Variants in PDE9A observed in about 807,000 individuals in gnomAD.
PDE9A encodes phosphodiesterase 9A.
A neutral mutation model predicts 87.4 loss-of-function variants in PDE9A; 60 were observed. That is an observed-to-expected ratio of 0.69 (90% CI 0.56 to 0.85). PDE9A has a LOEUF of 0.85. Among genes scored for constraint, PDE9A ranks in the 40% least tolerant of loss-of-function variants. PDE9A has a pLI of 0.00. For synonymous variants in PDE9A, 272 were observed against 279.4 expected, an observed-to-expected ratio of 0.97 and a Z score of 0.27; for missense variants, 665 against 779.0, an observed-to-expected ratio of 0.85 and a Z score of 1.74.
At chr21:42,671,813 C>T (rs1051312210) in intron 1 of PDE9A, among the ~76,000 whole-genome samples, 32 of 152,236 alleles carry the variant, frequency 2.1e-4, no homozygotes, top group African/African-American at 6.5e-4. Context: ...AATTATCGAG[C>T]GCTGAAAAAG....
intron 7 of PDE9A, among the ~76,000 whole-genome samples, chr21:42,736,162 C>A (rs528912623): frequency 1.3e-5 from 2 of 152,286 alleles, no homozygotes; most frequent in African/African-American, 2.4e-5. Context: ...CCAGCTCCCC[C>A]CATGCTCTTC....
At position 42,723,622 on chromosome 21, in the gene PDE9A, A is replaced by G. The variant is rs1195626365; in HGVS notation, c.263-8148A>G. On this transcript the variant is annotated intron_variant, in intron 4 of 19. Transcript: ENST00000291539. The surrounding 1 kb of genome is among the most constrained non-coding windows in gnomAD (Gnocchi z 4.3). ...TGCAGACTCGGGGGCACTTTTAGAT[A>G]TTCTATTGGTTGTTCTTGGGGGACA... 6.6e-6 allele frequency among the ~76,000 whole-genome samples: 1 copy of G among 152,148 alleles called. No individual in the cohort carries two copies. Among genetic ancestry groups the G allele is most frequent in the East Asian group, 1.9e-4 (1 of 5,186 alleles).
chr21:42,740,202 G>T (rs2052969082), intron 7 of PDE9A, among the ~76,000 whole-genome samples: 1 of 152,136 alleles, frequency 6.6e-6, no homozygotes, highest in African/African-American at 2.4e-5. Context: ...CCAGCACTTT[G>T]GGAGGTGAAG....
chr21:42,755,454 C>G lies in PDE9A; in HGVS notation c.810+1390C>G, dbSNP rs550659970. On this transcript the variant is annotated intron_variant, in intron 10 of 19. Transcript: ENST00000291539. The stretch of plus-strand genomic sequence containing the variant: ...GCCAGTCCCAGGGGCTGCACTGCTG[C>G]AAACCTGCTCAAAACCTCCAGCCGC... Among the ~76,000 whole-genome samples, 276 of 152,348 alleles carry G rather than the reference C, an allele frequency of 1.8e-3. 2 individuals carry two copies. Among genetic ancestry groups the G allele is most frequent in the East Asian group, 3.3e-3 (17 of 5,186 alleles).
chr21:42,666,119 C>T (rs994817796), intron 1 of PDE9A, among the ~76,000 whole-genome samples: 31 of 152,120 alleles, frequency 2.0e-4, no homozygotes, highest in African/African-American at 6.8e-4. Flanking sequence ...GGCGTGGCCA[C>T]CAGTGCAGTG....
chr21:42,756,061 C>T (rs964850042), intron 10 of PDE9A, among the ~76,000 whole-genome samples: 9 of 152,210 alleles, frequency 5.9e-5, no homozygotes, highest in Non-Finnish European at 1.2e-4. Flanking sequence ...CAGCTGCTCT[C>T]GGGGCTGGCA....
At chr21:42,758,760 A>AC (rs1289656463) in intron 10 of PDE9A, 1 of 460,006 alleles carries the variant, frequency 2.2e-6, no homozygotes, top group African/African-American at 2.0e-5. Context: ...CTGCCAGGAG[A>AC]CCCCCAGTGT....
At position 42,660,849 on chromosome 21, in the gene PDE9A, G is replaced by C. The variant is rs2057429131; in HGVS notation, c.69+6966G>C. Among the ~76,000 whole-genome samples the C allele has an allele frequency of 6.6e-6, 1 of 151,906 alleles. No individual in the cohort carries two copies. Among genetic ancestry groups the C allele is most frequent in the Admixed American group, 6.6e-5 (1 of 15,238 alleles). On this transcript the variant is annotated intron_variant, in intron 1 of 19. Transcript: ENST00000291539. This position sits in a 1 kb window ranked among gnomAD's most constrained non-coding sequence, Gnocchi z 4.7. ...CTTGAGGGTGCAACTTATTTGTCTTGAACCCATCCCTGACTGCCTGTCTCC... is the reference window on the plus strand; with the variant it reads ...CTTGAGGGTGCAACTTATTTGTCTTCAACCCATCCCTGACTGCCTGTCTCC...
In PDE9A at chr21:42,690,396, C is replaced by T. The variant is rs138279632; in HGVS notation, c.218+2402C>T. On this transcript the variant is annotated intron_variant, in intron 3 of 19. Transcript: ENST00000291539. Reference sequence around the variant, plus strand: ...GCGATGTGGAAATGGATCTAGACAGCGATGTGGATGTGATCTAGATAATGT... The same window carrying T: ...GCGATGTGGAAATGGATCTAGACAGTGATGTGGATGTGATCTAGATAATGT... 5.5e-4 allele frequency among the ~76,000 whole-genome samples: 83 copies of T among 152,076 alleles called. 2 individuals carry two copies. The East Asian group carries it at 0.015, about 28-fold the overall frequency.
chr21:42,754,508 G>C (rs1030545436), intron 10 of PDE9A, among the ~76,000 whole-genome samples: 1 of 152,254 alleles, frequency 6.6e-6, no homozygotes, highest in Non-Finnish European at 1.5e-5. Flanking sequence ...ACAGGCAACC[G>C]GCTGCCCCAG....
At chr21:42,727,702 T>G (rs2051292200) in intron 4 of PDE9A, among the ~76,000 whole-genome samples, 2 of 152,018 alleles carry the variant, frequency 1.3e-5, no homozygotes, top group African/African-American at 4.8e-5. Context: ...TAAATACAAT[T>G]GAATTTTGTA....
intron 4 of PDE9A, among the ~76,000 whole-genome samples, chr21:42,728,976 G>C (rs1026997869): frequency 7.1e-4 from 107 of 150,540 alleles, no homozygotes; most frequent in South Asian, 1.5e-3. Context: ...CTCCAGCTTG[G>C]GGGACAGAGT....
At chr21:42,736,437 T>C (rs1397784526) in intron 7 of PDE9A, among the ~76,000 whole-genome samples, 2 of 152,152 alleles carry the variant, frequency 1.3e-5, no homozygotes, top group Non-Finnish European at 2.9e-5. Context: ...AATTTCTCAC[T>C]TCTCAGAGGG....
At chr21:42,686,580 C>A (rs141911244) in intron 2 of PDE9A, among the ~76,000 whole-genome samples, 360 of 151,968 alleles carry the variant, frequency 2.4e-3, no homozygotes, top group Non-Finnish European at 4.0e-3. Context: ...TTTGAGAGGC[C>A]GAGGTGGGCA....
At chr21:42,655,955 T>G (rs2057034174) in intron 1 of PDE9A, among the ~76,000 whole-genome samples, 1 of 152,220 alleles carries the variant, frequency 6.6e-6, no homozygotes, top group South Asian at 2.1e-4. Flanking sequence ...CCAAGCCATG[T>G]GCCGGGCAAA....
chr21:42,668,896 C>CCT, intron 1 of PDE9A, among the ~76,000 whole-genome samples: 1 of 121,464 alleles, frequency 8.2e-6, no homozygotes, highest in Non-Finnish European at 1.6e-5. Context: ...GCTGCTCCCT[C>CCT]CACCCCCCGC....
At position 42,716,853 on chromosome 21, in the gene PDE9A, C is replaced by T. The variant is rs747800596; in HGVS notation, c.263-14917C>T. Reference sequence around the variant, plus strand: ...GCAACCTCCACCTCCTAGGTTCAAGCGATTCTCCTGCCTCAGCCTCCCGAG... The same window carrying T: ...GCAACCTCCACCTCCTAGGTTCAAGTGATTCTCCTGCCTCAGCCTCCCGAG... On this transcript the variant is annotated intron_variant, in intron 4 of 19. Coordinates refer to ENST00000291539, the MANE Select transcript of PDE9A (RefSeq NM_002606.3). Among the ~76,000 whole-genome samples the T allele has an allele frequency of 4.2e-5, 6 of 144,416 alleles. No individual in the cohort carries two copies. In the East Asian group the frequency reaches 8.7e-4, roughly 21 times the overall value. The allele number at this position is 144,416 out of a possible 152,430, so 94.7% of individuals were successfully genotyped here.
intron 15 of PDE9A, among the ~76,000 whole-genome samples, chr21:42,766,964 A>AC (rs1182197666): frequency 6.6e-6 from 1 of 151,390 alleles, no homozygotes; most frequent in Non-Finnish European, 1.5e-5. Flanking sequence ...CCCCACTCCC[A>AC]CCCCACCCCC....
At chr21:42,663,075 C>A (rs1316737159) in intron 1 of PDE9A, among the ~76,000 whole-genome samples, 4 of 147,570 alleles carry the variant, frequency 2.7e-5, no homozygotes, top group Non-Finnish European at 4.5e-5. Context: ...TACACACATG[C>A]ACATCACACA....
Sources: allele counts gnomAD v4.1 joint callset (sites outside exome capture counted in the v4.1 genomes callset), GRCh38; gene constraint gnomAD v4.1.1; non-coding constraint Gnocchi (gnomAD v3.1); transcripts MANE v1.5; gene names NCBI Gene and HGNC (gene_info 2026-07-23, HGNC 2026-07-21).